Variants in BMAL2 observed in about 807,000 individuals in gnomAD.
The protein encoded by BMAL2 is basic helix-loop-helix ARNT-like protein 2.
chr12:27,344,091 T>G, the BMAL2 span, among the ~76,000 whole-genome samples: 2 of 152,348 alleles, frequency 1.3e-5, no homozygotes, highest in East Asian at 3.9e-4. Flanking sequence ...TAGGTACTAT[T>G]GTTAATCCAT....
the BMAL2 span, chr12:27,418,091 T>G: frequency 2.5e-6 from 4 of 1,607,862 alleles, no homozygotes; most frequent in South Asian, 4.4e-5. Flanking sequence ...TTTTCAGATG[T>G]CAAATAAGGA....
chr12:27,390,158 C>T, the BMAL2 span: 13 of 1,613,884 alleles, frequency 8.1e-6, no homozygotes, highest in South Asian at 7.7e-5. Flanking sequence ...TGGCTCAAGA[C>T]GATCTTTTTT....
chr12:27,339,611 G>A, the BMAL2 span, among the ~76,000 whole-genome samples: 2 of 151,288 alleles, frequency 1.3e-5, no homozygotes, highest in Admixed American at 6.6e-5. Context: ...AGTCTCACCA[G>A]TATCTTACTT....
chr12:27,369,260 C>T, the BMAL2 span, among the ~76,000 whole-genome samples: 2 of 151,738 alleles, frequency 1.3e-5, no homozygotes, highest in African/African-American at 4.8e-5. Flanking sequence ...AAGATAAGGA[C>T]ATAATAAAAC....
At chr12:27,393,704 A>C in the BMAL2 span, among the ~76,000 whole-genome samples, 6 of 152,306 alleles carry the variant, frequency 3.9e-5, no homozygotes, top group African/African-American at 1.4e-4. Flanking sequence ...GATGTTGGTG[A>C]ATGAACAGTT....
the BMAL2 span, chr12:27,415,771 C>T: frequency 1.7e-5 from 14 of 804,712 alleles, no homozygotes; most frequent in Non-Finnish European, 2.4e-5. Context: ...TCAAGTTCCT[C>T]ACTGTATTTT....
chr12:27,347,507 T>C, the BMAL2 span, among the ~76,000 whole-genome samples: 1 of 152,118 alleles, frequency 6.6e-6, no homozygotes, highest in Middle Eastern at 3.2e-3. Context: ...TTGTTCACAG[T>C]AGGTGCTTGA....
chr12:27,402,213 C>G, the BMAL2 span, among the ~76,000 whole-genome samples: 4 of 151,912 alleles, frequency 2.6e-5, no homozygotes, highest in Non-Finnish European at 4.4e-5. Context: ...GTAAGTCTTA[C>G]TTTTTTTCTG....
chr12:27,410,995 CA>C, the BMAL2 span, among the ~76,000 whole-genome samples: 1 of 151,958 alleles, frequency 6.6e-6, no homozygotes, highest in African/African-American at 2.4e-5. Context: ...GTAAAATAGA[CA>C]AACTATCTTA....
chr12:27,383,865 G>A, the BMAL2 span, among the ~76,000 whole-genome samples: 8 of 152,220 alleles, frequency 5.3e-5, no homozygotes, highest in African/African-American at 1.4e-4. Flanking sequence ...AGAGTGCTAC[G>A]AGTCTGAGAA....
chr12:27,333,392 A>C, the BMAL2 span, among the ~76,000 whole-genome samples: 1 of 152,128 alleles, frequency 6.6e-6, no homozygotes, highest in East Asian at 1.9e-4. Flanking sequence ...GGCCGGGCGC[A>C]TTGGCGAAAG....
At chr12:27,388,498 T>C in the BMAL2 span, among the ~76,000 whole-genome samples, 2 of 151,824 alleles carry the variant, frequency 1.3e-5, no homozygotes, top group African/African-American at 4.8e-5. Context: ...GCGTCACACA[T>C]GAAGTAGGAT....
chr12:27,397,125 C>T, the BMAL2 span, among the ~76,000 whole-genome samples: 1 of 152,154 alleles, frequency 6.6e-6, no homozygotes, highest in Non-Finnish European at 1.5e-5. Context: ...GGCTGGAGTG[C>T]AGTGGCATGA....
the BMAL2 span, chr12:27,400,920 C>T: frequency 1.2e-6 from 1 of 815,666 alleles, no homozygotes; most frequent in South Asian, 2.2e-5. Context: ...AGAATATGGA[C>T]ATGTCAGTAA....
the BMAL2 span, chr12:27,420,367 C>G: frequency 6.2e-7 from 1 of 1,612,866 alleles, no homozygotes; most frequent in Non-Finnish European, 8.5e-7. Context: ...ATCACCTTTA[C>G]TTACACAGGC....
At chr12:27,400,513 T>C in the BMAL2 span, 1 of 1,535,862 alleles carries the variant, frequency 6.5e-7, no homozygotes, top group Non-Finnish European at 8.8e-7. Context: ...CAAATGTCCT[T>C]TTTAAAAATC....
chr12:27,389,382 C>A, the BMAL2 span: 2 of 805,924 alleles, frequency 2.5e-6, no homozygotes, highest in Non-Finnish European at 4.0e-6. Context: ...TTTAAAACAG[C>A]TAACTAAGCT....
the BMAL2 span, among the ~76,000 whole-genome samples, chr12:27,392,111 G>C: frequency 6.6e-6 from 1 of 152,138 alleles, no homozygotes; most frequent in Non-Finnish European, 1.5e-5. Flanking sequence ...TAAATGAGTA[G>C]GTTCTAGAGC....
chr12:27,400,618 A>T, the BMAL2 span: 1 of 1,614,016 alleles, frequency 6.2e-7, no homozygotes, highest in South Asian at 1.1e-5. Flanking sequence ...GAAGAAAGGA[A>T]CAGTAAGAAA....
Sources: gnomAD v4.1 joint callset for allele counts (sites outside exome capture counted in the v4.1 genomes callset) on GRCh38, gnomAD v4.1.1 for gene constraint, MANE v1.5 for transcripts, NCBI Gene and HGNC (gene_info 2026-07-23, HGNC 2026-07-21) for gene names.